Variants in FBXO36 observed in about 807,000 individuals in gnomAD.
The protein encoded by FBXO36 is F-box only protein 36.
In FBXO36, 18 loss-of-function variants were observed where a neutral mutation model predicts 17.0. That is an observed-to-expected ratio of 1.06 (90% CI 0.73 to 1.57). The LOEUF (loss-of-function observed/expected upper bound fraction) is 1.57. FBXO36 is among the 40% of genes most tolerant of loss of function. The pLI is 0.00. For synonymous variants in FBXO36, 83 were observed against 85.3 expected (o/e 0.97, Z 0.15); for missense variants, 229 against 221.9 (o/e 1.03, Z -0.20).
chr2:229,922,727 C>G lies in FBXO36; in HGVS notation c.96+118C>G, dbSNP rs1364533532. The G allele has an allele frequency of 6.0e-6, 6 of 999,166 alleles. No individual in the cohort carries two copies. In the African/African-American group the frequency reaches 6.6e-5, roughly 11 times the overall value. The allele number at this position is 999,166 out of a possible 1,614,324, so 61.9% of individuals were successfully genotyped here. On this transcript the variant is annotated intron_variant, in intron 1 of 3. Transcript: ENST00000283946. ...GTAGCCCGCCGGAAGCGCCCAGTCCCGGCTCCGCGCCGGGAGATTTTCCTC... is the reference window on the plus strand; with the variant it reads ...GTAGCCCGCCGGAAGCGCCCAGTCCGGGCTCCGCGCCGGGAGATTTTCCTC...
intron 1 of FBXO36, among the ~76,000 whole-genome samples, chr2:229,956,162 G>A (rs752441245): frequency 2.6e-5 from 4 of 152,144 alleles, no homozygotes; most frequent in African/African-American, 4.8e-5. Context: ...CCATAGACTC[G>A]ATGACTTAAA....
intron 1 of FBXO36, among the ~76,000 whole-genome samples, chr2:229,968,776 A>T (rs929615603): frequency 1.3e-5 from 2 of 151,516 alleles, no homozygotes; most frequent in East Asian, 3.9e-4. Flanking sequence ...CCAAATTATT[A>T]TTATTATTAT....
At chr2:229,953,521 A>T (rs962574636) in intron 1 of FBXO36, among the ~76,000 whole-genome samples, 1 of 145,708 alleles carries the variant, frequency 6.9e-6, no homozygotes, top group Non-Finnish European at 1.5e-5. Context: ...ACCAAAAATT[A>T]AAAAAAAAAA....
In FBXO36 at chr2:230,010,863, C is replaced by T; in HGVS notation, c.546C>T (p.Asn182=). ...GCAAGAGGAAACAAAAATATGGAAA[C>T]CTGAGAGAAAAGCAACCTTAGGCAC... ...QLRKRKQKYG[N]LREKQP Residue 182 remains asparagine (N), a synonymous_variant, in exon 4 of 4, where the codon AAC becomes AAT. Coordinates refer to ENST00000283946, the MANE Select transcript of FBXO36 (RefSeq NM_174899.5). The T allele has an allele frequency of 1.2e-6, 2 of 1,612,168 alleles. No individual in the cohort carries two copies. Among genetic ancestry groups the T allele is most frequent in the Non-Finnish European group, 1.7e-6 (2 of 1,178,792 alleles).
At chr2:229,960,138 G>T (rs2077112882) in intron 1 of FBXO36, among the ~76,000 whole-genome samples, 1 of 151,674 alleles carries the variant, frequency 6.6e-6, no homozygotes, top group East Asian at 1.9e-4. Context: ...TATTACTTTG[G>T]CATTTCTCAT....
chr2:229,944,507 G>C (rs1474544723), intron 1 of FBXO36, among the ~76,000 whole-genome samples: 4 of 151,778 alleles, frequency 2.6e-5, no homozygotes, highest in Admixed American at 2.6e-4. Flanking sequence ...GTACCCAAAA[G>C]TGTAGACTTT....
At chr2:229,936,447 C>T (rs551662828) in intron 1 of FBXO36, among the ~76,000 whole-genome samples, 2 of 152,186 alleles carry the variant, frequency 1.3e-5, no homozygotes, top group Non-Finnish European at 2.9e-5. Context: ...TATCTGTTTA[C>T]AAATATCTAT....
At chr2:229,941,397 G>A (rs1215639410) in intron 1 of FBXO36, among the ~76,000 whole-genome samples, 1 of 152,150 alleles carries the variant, frequency 6.6e-6, no homozygotes, top group Non-Finnish European at 1.5e-5. Context: ...AGAAGCTGCA[G>A]TGAGCCAAGA....
chr2:229,937,088 A>G (rs1246693292), intron 1 of FBXO36, among the ~76,000 whole-genome samples: 1 of 152,184 alleles, frequency 6.6e-6, no homozygotes, highest in Non-Finnish European at 1.5e-5. Context: ...TATTTTATAT[A>G]TAGCCCAGAA....
chr2:229,970,446 C>T (rs1314284850), intron 1 of FBXO36, among the ~76,000 whole-genome samples: 1 of 152,130 alleles, frequency 6.6e-6, no homozygotes, highest in Non-Finnish European at 1.5e-5. Context: ...GGAAGAAAAT[C>T]CAGAAGCTAG....
chr2:230,010,167 A>C (rs1366477369), intron 3 of FBXO36, among the ~76,000 whole-genome samples: 2 of 152,204 alleles, frequency 1.3e-5, no homozygotes, highest in Non-Finnish European at 2.9e-5. Context: ...AGGCTGAGGC[A>C]GGAGAATCAC....
At chr2:229,922,682 G>A (rs1486738908) in intron 1 of FBXO36, 73 bp downstream of exon 1, 1 of 1,511,796 alleles carries the variant, frequency 6.6e-7, no homozygotes, top group Non-Finnish European at 9.1e-7. Context: ...GACGCAGGCT[G>A]TGCTAGGCCA....
At chr2:229,980,717 ATGAGTCTGACAGCAGGCCTGCCTCCC>A (rs1045342674) in intron 2 of FBXO36, among the ~76,000 whole-genome samples, 4 of 152,068 alleles carry the variant, frequency 2.6e-5, no homozygotes, top group Non-Finnish European at 4.4e-5. Flanking sequence ...CGAAGATTTT[ATGAGTCTGACAGCAGGCCTGCCTCCC>A]TGCTGGCTGT....
intron 1 of FBXO36, among the ~76,000 whole-genome samples, chr2:229,961,741 T>C (rs1448178101): frequency 6.6e-6 from 1 of 152,192 alleles, no homozygotes; most frequent in East Asian, 1.9e-4. Flanking sequence ...GAATTTTGAT[T>C]GGCTTTGCAT....
At chr2:230,002,314 T>C (rs2077363451) in intron 3 of FBXO36, among the ~76,000 whole-genome samples, 1 of 152,214 alleles carries the variant, frequency 6.6e-6, no homozygotes, top group African/African-American at 2.4e-5. Context: ...CTGTTTTATG[T>C]CCAATCTAGC....
chr2:229,974,406 G>C (rs568602985), intron 1 of FBXO36, among the ~76,000 whole-genome samples: 1 of 152,198 alleles, frequency 6.6e-6, no homozygotes, highest in African/African-American at 2.4e-5. Context: ...GCCATGGAGA[G>C]CGTCCCTCCA....
chr2:230,007,860 C>T (rs1175676973), intron 3 of FBXO36, among the ~76,000 whole-genome samples: 1 of 152,100 alleles, frequency 6.6e-6, no homozygotes. Flanking sequence ...TCCCAAAGTT[C>T]TGGGATTACA....
chr2:229,949,327 A>T (rs2077043105), intron 1 of FBXO36, among the ~76,000 whole-genome samples: 1 of 152,204 alleles, frequency 6.6e-6, no homozygotes, highest in African/African-American at 2.4e-5. Flanking sequence ...GGAAATAATT[A>T]CACAAATAGG....
At chr2:229,956,119 G>A (rs1393608191) in intron 1 of FBXO36, among the ~76,000 whole-genome samples, 2 of 152,190 alleles carry the variant, frequency 1.3e-5, no homozygotes, top group African/African-American at 4.8e-5. Context: ...TTTGGGAGCT[G>A]TATTAGTTTT....
Sources: allele counts gnomAD v4.1 joint callset (sites outside exome capture counted in the v4.1 genomes callset), GRCh38; gene constraint gnomAD v4.1.1; transcripts MANE v1.5; gene names NCBI Gene and HGNC (gene_info 2026-07-23, HGNC 2026-07-21).